CTNNA3: variants seen among roughly 807,000 people sequenced by gnomAD.
CTNNA3 encodes catenin alpha 3, also known as catenin alpha-3.
CTNNA3 carries 76 observed loss-of-function variants against 95.7 expected under a neutral mutation model. The observed-to-expected ratio is 0.79, with a 90% CI of 0.66 to 0.96. The LOEUF (loss-of-function observed/expected upper bound fraction) is 0.96, where lower values mean the gene tolerates loss of function less well. Ranked by LOEUF, CTNNA3 falls within the 40% of genes least tolerant of loss-of-function variation. The probability of loss-of-function intolerance (pLI) is 0.00; values close to 1 mark genes in which losing one functional copy is unlikely to be tolerated. For synonymous variants in CTNNA3, 431 were observed against 374.4 expected (o/e 1.15, Z -1.74); for missense variants, 1,191 against 1,089.8 (o/e 1.09, Z -1.31).
chr10:66,408,141 T>G (rs770697470), intron 11 of CTNNA3, among the ~76,000 whole-genome samples: 1 of 152,220 alleles, frequency 6.6e-6, no homozygotes, highest in Admixed American at 6.5e-5. Flanking sequence ...CTGCACAGAT[T>G]CGACATAGTA....
intron 13 of CTNNA3, among the ~76,000 whole-genome samples, chr10:66,171,028 G>A (rs2085397969): frequency 6.6e-6 from 1 of 151,992 alleles, no homozygotes; most frequent in African/African-American, 2.4e-5. Context: ...AGCTACTTGG[G>A]AGGACAAGGC....
At position 66,277,503 on chromosome 10, in the gene CTNNA3, T is replaced by C. The variant is rs542917056; in HGVS notation, c.1884+2967A>G. 5.3e-5 allele frequency among the ~76,000 whole-genome samples: 8 copies of C among 152,284 alleles called. No individual in the cohort carries two copies. The South Asian group carries it at 1.7e-3, about 32-fold the overall frequency. ...ATTTGACCTTGTAAAAAGAAGATTA[T>C]ACCAGATCAAGTTTATTCTCTTCTG... is the stretch of plus-strand genomic sequence containing the variant. On this transcript the variant is annotated intron_variant, in intron 13 of 17. Coordinates refer to ENST00000433211, the MANE Select transcript of CTNNA3 (RefSeq NM_013266.4).
At chr10:66,970,277 G>A (rs921087900) in intron 7 of CTNNA3, among the ~76,000 whole-genome samples, 1 of 152,082 alleles carries the variant, frequency 6.6e-6, no homozygotes, top group Non-Finnish European at 1.5e-5. Flanking sequence ...TGGCTATTGG[G>A]ATTTCTTTAC....
At chr10:66,689,403 T>C (rs1414204665) in intron 9 of CTNNA3, among the ~76,000 whole-genome samples, 1 of 152,192 alleles carries the variant, frequency 6.6e-6, no homozygotes, top group Non-Finnish European at 1.5e-5. Context: ...TCCTGAGAAA[T>C]TGCCTTGTAT....
At chr10:67,364,369 C>T (rs1843122583) in intron 5 of CTNNA3, among the ~76,000 whole-genome samples, 1 of 152,164 alleles carries the variant, frequency 6.6e-6, no homozygotes, top group South Asian at 2.1e-4. Flanking sequence ...CAATATCATA[C>T]TGAATGGCAA....
In CTNNA3 at chr10:65,919,437, A is replaced by G. The variant is rs1258274254; in HGVS notation, c.*893T>C. The G allele has an allele frequency of 6.6e-6, 1 of 152,220 alleles. No individual in the cohort carries two copies. The highest frequency in any genetic ancestry group is 2.4e-5 in the African/African-American group (1 of 41,452). The allele number at this position is 152,220 out of a possible 1,614,324, so 9.4% of individuals were successfully genotyped here. A position where few individuals can be genotyped will look rare whatever the true frequency, so the allele number is the denominator to read the frequency against. ...TTAATTACAATTGCAAGCTGATAAAAATGTATTTTTATGTTTGTAAAAATA... is the reference window on the plus strand; with the variant it reads ...TTAATTACAATTGCAAGCTGATAAAGATGTATTTTTATGTTTGTAAAAATA... On this transcript the variant is annotated 3_prime_UTR_variant, in exon 18 of 18. Coordinates refer to ENST00000433211, the MANE Select transcript of CTNNA3 (RefSeq NM_013266.4).
intron 9 of CTNNA3, among the ~76,000 whole-genome samples, chr10:66,756,015 C>T (rs1307444736): frequency 2.6e-5 from 4 of 152,160 alleles, no homozygotes; most frequent in Non-Finnish European, 5.9e-5. Context: ...TCTCTAGCAC[C>T]AGCAGTGCTT....
chr10:66,111,103 C>T (rs1366714455), intron 13 of CTNNA3, among the ~76,000 whole-genome samples: 1 of 152,168 alleles, frequency 6.6e-6, no homozygotes, highest in Non-Finnish European at 1.5e-5. Flanking sequence ...ATCCACAGTG[C>T]TGAGGGAGGG....
At chr10:67,132,323 G>C (rs1033658263) in intron 7 of CTNNA3, among the ~76,000 whole-genome samples, 7 of 152,048 alleles carry the variant, frequency 4.6e-5, no homozygotes, top group Non-Finnish European at 1.0e-4. Context: ...AGATTAAGTA[G>C]AAATCTAAGA....
intron 7 of CTNNA3, among the ~76,000 whole-genome samples, chr10:66,811,500 C>T (rs1841873537): frequency 6.6e-6 from 1 of 152,138 alleles, no homozygotes; most frequent in Admixed American, 6.6e-5. Flanking sequence ...TCTTTAGCTT[C>T]CCCTAGTGGG....
intron 15 of CTNNA3, among the ~76,000 whole-genome samples, chr10:65,989,434 C>G (rs138559551): frequency 5.9e-5 from 9 of 152,208 alleles, no homozygotes; most frequent in Non-Finnish European, 1.2e-4. Flanking sequence ...GACCTAGATA[C>G]CTCAAGGCAA....
chr10:66,077,126 T>A (rs2080580501), intron 14 of CTNNA3, among the ~76,000 whole-genome samples: 1 of 151,796 alleles, frequency 6.6e-6, no homozygotes, highest in Non-Finnish European at 1.5e-5. Flanking sequence ...GAATGTTCAT[T>A]ATTTTGGGAT....
chr10:66,310,433 A>ATT (rs938575884), intron 12 of CTNNA3, among the ~76,000 whole-genome samples: 2 of 152,136 alleles, frequency 1.3e-5, no homozygotes, highest in African/African-American at 4.8e-5. Flanking sequence ...ACCCTAAACT[A>ATT]TTTCTATAAA....
intron 12 of CTNNA3, among the ~76,000 whole-genome samples, chr10:66,333,728 G>A (rs1186640124): frequency 6.6e-6 from 1 of 151,548 alleles, no homozygotes; most frequent in Non-Finnish European, 1.5e-5. Context: ...GGAGAGTTCT[G>A]TAGATGTCTA....
chr10:66,775,502 T>A lies in CTNNA3; in HGVS notation c.1070A>T (p.Asn357Ile). 6.2e-7 allele frequency: 1 copy of A among 1,610,392 alleles called. No individual in the cohort carries two copies. Among genetic ancestry groups the A allele is most frequent in the Non-Finnish European group, 8.5e-7 (1 of 1,178,504 alleles). The change falls in exon 8 of 18, where the codon AAT becomes ATT. Residue 357 changes from asparagine (N) to isoleucine (I), a missense_variant. By Grantham distance (149) the Asn-to-Ile change is moderately radical (BLOSUM62 -3). Transcript: ENST00000433211. ...GTTGTCTAAAGCAATATTCAGGGTA[T>A]TACTCCTTTCTTTTTTTCCAGCCTG... ...MNNAGKKERSNTLNIALDNMC... is the reference protein window; with the variant it reads ...MNNAGKKERSITLNIALDNMC...
intron 15 of CTNNA3, among the ~76,000 whole-genome samples, chr10:66,021,291 T>C (rs2079200482): frequency 6.6e-6 from 1 of 152,154 alleles, no homozygotes; most frequent in Non-Finnish European, 1.5e-5. Context: ...TTATCCAATC[T>C]TTTTTTAAAT....
chr10:67,527,537 G>A (rs1429385951), intron 4 of CTNNA3, among the ~76,000 whole-genome samples: 1 of 152,208 alleles, frequency 6.6e-6, no homozygotes, highest in African/African-American at 2.4e-5. Flanking sequence ...TTTCAGTTGA[G>A]CAAAGTTTCC....
intron 9 of CTNNA3, among the ~76,000 whole-genome samples, chr10:66,632,464 A>G (rs922722762): frequency 6.7e-6 from 1 of 150,114 alleles, no homozygotes; most frequent in South Asian, 2.1e-4. Flanking sequence ...CCGAGGCAGG[A>G]GAATCGCTTG....
intron 12 of CTNNA3, among the ~76,000 whole-genome samples, chr10:66,304,934 T>A (rs1013824532): frequency 2.6e-5 from 4 of 152,178 alleles, no homozygotes; most frequent in Admixed American, 2.0e-4. Flanking sequence ...TTGATATATA[T>A]TTCCTAGTTT....
Sources: allele counts gnomAD v4.1 joint callset (sites outside exome capture counted in the v4.1 genomes callset), GRCh38; gene constraint gnomAD v4.1.1; transcripts MANE v1.5; gene names NCBI Gene and HGNC (gene_info 2026-07-23, HGNC 2026-07-21).